The following ALK variants were observed in gnomAD, a reference collection of about 807,000 sequenced individuals.
The protein encoded by ALK is ALK tyrosine kinase receptor.
ALK carries 74 observed loss-of-function variants against 163.1 expected under a neutral mutation model. The observed-to-expected ratio is 0.45, with a 90% confidence interval of 0.38 to 0.55. The LOEUF (loss-of-function observed/expected upper bound fraction) is 0.55, where lower values mean the gene tolerates loss of function less well. ALK is among the 20% of genes least tolerant of loss of function. The pLI is 0.00. For synonymous variants in ALK, 960 were observed against 843.2 expected, an observed-to-expected ratio of 1.14 and a Z score of -2.40; for missense variants, 2,063 against 2,105.3, an observed-to-expected ratio of 0.98 and a Z score of 0.39.
intron 1 of ALK, among the ~76,000 whole-genome samples, chr2:29,822,537 A>G (rs113041999): frequency 0.013 from 1,950 of 152,332 alleles, 39 homozygotes; most frequent in African/African-American, 0.045. Flanking sequence ...GGCTATGATC[A>G]GTGGCTAATG....
At chr2:29,686,359 G>C (rs1678240125) in intron 3 of ALK, among the ~76,000 whole-genome samples, 1 of 152,182 alleles carries the variant, frequency 6.6e-6, no homozygotes, top group Non-Finnish European at 1.5e-5. Flanking sequence ...GAATCACTGG[G>C]CTGTTTAGAT....
chr2:29,512,674 AG>A (rs1011721611), intron 4 of ALK, among the ~76,000 whole-genome samples: 2 of 150,370 alleles, frequency 1.3e-5, no homozygotes, highest in Non-Finnish European at 3.0e-5. Context: ...AAGGAAATAA[AG>A]GGTATTCAAT....
At chr2:29,717,171 CAA>C (rs754615995) in intron 2 of ALK, among the ~76,000 whole-genome samples, 21 of 70,554 alleles carry the variant, frequency 3.0e-4, no homozygotes, top group African/African-American at 1.4e-3. Flanking sequence ...GACTCTGTCT[CAA>C]AAAAAAAAAA....
At chr2:29,492,242 T>C (rs1573398842) in intron 4 of ALK, among the ~76,000 whole-genome samples, 1 of 152,182 alleles carries the variant, frequency 6.6e-6, no homozygotes, top group Non-Finnish European at 1.5e-5. Flanking sequence ...CAGAGATTCA[T>C]TTATCTTTAG....
chr2:29,597,038 C>T (rs1377135034), intron 3 of ALK, among the ~76,000 whole-genome samples: 1 of 152,178 alleles, frequency 6.6e-6, no homozygotes, highest in Non-Finnish European at 1.5e-5. Context: ...CCAGTCAATA[C>T]CTAGATCTCT....
At position 29,815,676 on chromosome 2, in the gene ALK, T is replaced by A. The variant is rs1664878405; in HGVS notation, c.668-97979A>T. Among the ~76,000 whole-genome samples the A allele has an allele frequency of 2.0e-5, 3 of 152,210 alleles. No homozygotes were observed. The South Asian group carries it at 6.2e-4, about 32-fold the overall frequency. On this transcript the variant is annotated intron_variant, in intron 1 of 28. Coordinates refer to ENST00000389048, the MANE Select transcript of ALK (RefSeq NM_004304.5). ...GTAGTGACATTATTAATTAATGAAG[T>A]AAGAATGTAATGAAAGATCAAGGAA...
At chr2:29,745,940 A>G (rs1680197562) in intron 1 of ALK, among the ~76,000 whole-genome samples, 2 of 152,212 alleles carry the variant, frequency 1.3e-5, no homozygotes, top group Admixed American at 1.3e-4. Flanking sequence ...ACAGGTCCAC[A>G]CTCTCAAGCC....
intron 1 of ALK, among the ~76,000 whole-genome samples, chr2:29,899,060 T>C (rs1326214646): frequency 6.6e-6 from 1 of 152,168 alleles, no homozygotes; most frequent in East Asian, 1.9e-4. Context: ...TTTCAATGTG[T>C]GGCCCCAGGA....
chr2:29,274,965 G>C (rs1165421057), intron 11 of ALK, 134 bp downstream of exon 11: 19 of 1,182,396 alleles, frequency 1.6e-5, no homozygotes, highest in Non-Finnish European at 2.4e-5. Flanking sequence ...CATAGTCAGA[G>C]TGTAGGTGAT....
In ALK at chr2:29,920,735, T is replaced by A; in HGVS notation, c.-76A>T. The A allele has an allele frequency of 7.6e-7, 1 of 1,318,154 alleles. No homozygotes were observed. The highest frequency in any genetic ancestry group is 1.3e-5 in the South Asian group (1 of 78,574). The allele number at this position is 1,318,154 out of a possible 1,614,324, so 81.7% of individuals were successfully genotyped here. A position where few individuals can be genotyped will look rare whatever the true frequency, so the allele number is the denominator to read the frequency against. ...CGCTCTCCCCGAGATGGGAAGAGGC[T>A]CTGAACAGTCCTTGGTACCCAGCGG... On this transcript the variant is annotated 5_prime_UTR_variant, in exon 1 of 29. Coordinates refer to ENST00000389048, the MANE Select transcript of ALK (RefSeq NM_004304.5).
intron 4 of ALK, among the ~76,000 whole-genome samples, chr2:29,499,114 T>C (rs1672104224): frequency 6.6e-6 from 1 of 152,200 alleles, no homozygotes; most frequent in South Asian, 2.1e-4. Context: ...GCAGGAGTTC[T>C]CCATTCCCAA....
chr2:29,673,775 G>GCC (rs1677783533), intron 3 of ALK, among the ~76,000 whole-genome samples: 1 of 150,662 alleles, frequency 6.6e-6, no homozygotes, highest in Non-Finnish European at 1.5e-5. Flanking sequence ...GGGCAGTATG[G>GCC]CCATTTTCAT....
chr2:29,694,076 T>C (rs567947437), intron 3 of ALK, among the ~76,000 whole-genome samples: 6 of 152,340 alleles, frequency 3.9e-5, no homozygotes, highest in South Asian at 2.1e-4. Context: ...GTTTTCTAGG[T>C]CCAAGACATT....
intron 4 of ALK, among the ~76,000 whole-genome samples, chr2:29,416,442 T>A (rs964785097): frequency 5.3e-5 from 8 of 152,248 alleles, no homozygotes; most frequent in Admixed American, 3.9e-4. Flanking sequence ...TCTAGAAATA[T>A]CAAATGTGGC....
chr2:29,864,103 T>C (rs187819019), intron 1 of ALK, among the ~76,000 whole-genome samples: 5 of 152,212 alleles, frequency 3.3e-5, no homozygotes, highest in Admixed American at 3.3e-4. Flanking sequence ...CACAGAGTGG[T>C]TACCTGCTTG....
At chr2:29,509,335 T>C (rs1323304234) in intron 4 of ALK, among the ~76,000 whole-genome samples, 2 of 152,188 alleles carry the variant, frequency 1.3e-5, no homozygotes, top group East Asian at 3.9e-4. Context: ...AAAATGTAGC[T>C]GAGATAGAAA....
chr2:29,419,992 A>G (rs10192525), intron 4 of ALK, among the ~76,000 whole-genome samples: 146,468 of 150,850 alleles, frequency 0.97, 71,409 homozygotes, highest in Non-Finnish European at 1. Flanking sequence ...AACCCTGCCT[A>G]TACTGAAAAT....
chr2:29,289,041 A>G (rs1212260998), intron 9 of ALK, among the ~76,000 whole-genome samples: 1 of 151,942 alleles, frequency 6.6e-6, no homozygotes, highest in Non-Finnish European at 1.5e-5. Flanking sequence ...TCTGCTTCTT[A>G]GTTGTGTGCC....
chr2:29,241,542 T>C (rs920533243), intron 12 of ALK, among the ~76,000 whole-genome samples: 2 of 151,514 alleles, frequency 1.3e-5, no homozygotes, highest in Non-Finnish European at 1.5e-5. Flanking sequence ...GGAAGGCTGA[T>C]GTTGGCTTCA....
Sources: allele counts gnomAD v4.1 joint callset (sites outside exome capture counted in the v4.1 genomes callset), GRCh38; gene constraint gnomAD v4.1.1; transcripts MANE v1.5; gene names NCBI Gene and HGNC (gene_info 2026-07-23, HGNC 2026-07-21).